Variants in PDCD1LG2 observed in about 807,000 individuals in gnomAD.
PDCD1LG2 encodes the protein B7 dendritic cell molecule.
In PDCD1LG2, 32 loss-of-function variants were observed where a neutral mutation model predicts 28.2. The ratio of observed to expected loss-of-function variants is 1.13; its 90% confidence interval spans 0.86 to 1.52. PDCD1LG2 has a LOEUF of 1.52. Among genes scored for constraint, PDCD1LG2 ranks in the 40% most tolerant of loss-of-function variants. PDCD1LG2 has a pLI of 0.00. For synonymous variants in PDCD1LG2, 116 were observed against 120.2 expected (o/e 0.97, Z 0.23); for missense variants, 385 against 323.8 (o/e 1.19, Z -1.45).
intron 2 of PDCD1LG2, among the ~76,000 whole-genome samples, chr9:5,533,486 T>A (rs1254847718): frequency 1.3e-5 from 2 of 152,180 alleles, no homozygotes; most frequent in East Asian, 3.8e-4. Context: ...TGTTATCAAA[T>A]CCTACCCAGA....
At chr9:5,542,971 A>G (rs1333452567) in intron 3 of PDCD1LG2, among the ~76,000 whole-genome samples, 1 of 152,122 alleles carries the variant, frequency 6.6e-6, no homozygotes, top group Admixed American at 6.6e-5. Context: ...AAAATGTGGT[A>G]TATATATTAT....
chr9:5,558,203 G>T (rs562984390), intron 5 of PDCD1LG2, among the ~76,000 whole-genome samples: 2 of 152,266 alleles, frequency 1.3e-5, no homozygotes, highest in South Asian at 4.2e-4. Flanking sequence ...CAACCTCACG[G>T]TTGGGTAAGG....
chr9:5,557,092 T>G (rs1816457191), intron 4 of PDCD1LG2, among the ~76,000 whole-genome samples: 1 of 152,224 alleles, frequency 6.6e-6, no homozygotes, highest in Non-Finnish European at 1.5e-5. Context: ...TCCTTGAAAT[T>G]TAACAACTAA....
rs1264933360 is a variant in PDCD1LG2, at chr9:5,549,511, C to T, written c.538C>T (p.Leu180=). The T allele has an allele frequency of 6.2e-7, 1 of 1,614,200 alleles. No individual in the cohort carries two copies. The highest frequency in any genetic ancestry group is 1.7e-5 in the Admixed American group (1 of 60,020). The change falls in exon 4 of 7, where the codon CTG becomes TTG. Residue 180 remains leucine, a synonymous_variant. Coordinates refer to ENST00000397747, the MANE Select transcript of PDCD1LG2 (RefSeq NM_025239.4). ...PEGLYQVTSV[L]RLKPPPGRNF... is the part of the protein sequence containing the mutation. ...AGGCCTCTACCAGGTCACCAGTGTTCTGCGCCTAAAGCCACCCCCTGGCAG... is the reference window on the plus strand; with the variant it reads ...AGGCCTCTACCAGGTCACCAGTGTTTTGCGCCTAAAGCCACCCCCTGGCAG...
At chr9:5,542,482 A>G (rs745933051) in intron 3 of PDCD1LG2, among the ~76,000 whole-genome samples, 1 of 152,226 alleles carries the variant, frequency 6.6e-6, no homozygotes, top group South Asian at 2.1e-4. Context: ...ATGCAAATAA[A>G]TCAGCAAGAA....
rs1406516885 is a variant in PDCD1LG2 at position 5,541,954 on chromosome 9, A to C, written c.361+6904A>C. On this transcript the variant is annotated intron_variant, in intron 3 of 6. Coordinates refer to ENST00000397747, the MANE Select transcript of PDCD1LG2 (RefSeq NM_025239.4). ...ACCATACTATAACACCATAGTCACC[A>C]AAACAGCATAATACTAGTATAAAAA... Among the ~76,000 whole-genome samples, 6 of 152,342 alleles carry C rather than the reference A, an allele frequency of 3.9e-5. No individual in the cohort carries two copies. In the East Asian group the frequency reaches 1.2e-3, roughly 29 times the overall value.
At chr9:5,547,497 T>A (rs1052757978) in intron 3 of PDCD1LG2, among the ~76,000 whole-genome samples, 3 of 152,242 alleles carry the variant, frequency 2.0e-5, no homozygotes, top group Non-Finnish European at 4.4e-5. Flanking sequence ...TTCTAGTCTC[T>A]TGGAATATCA....
At chr9:5,556,225 G>C (rs1816439025) in intron 4 of PDCD1LG2, among the ~76,000 whole-genome samples, 2 of 152,182 alleles carry the variant, frequency 1.3e-5, no homozygotes. Context: ...TTTGCATAAA[G>C]ACACTGAGGT....
In PDCD1LG2 at chr9:5,570,054, T is replaced by A; in HGVS notation, c.*95T>A. ...TTCGGTGGCCTGCAGAGCTTGCCAT[T>A]TGCACTTTTCAAATGCCTTTGGATG... On this transcript the variant is annotated 3_prime_UTR_variant, in exon 7 of 7. Coordinates refer to ENST00000397747, the MANE Select transcript of PDCD1LG2 (RefSeq NM_025239.4). 6.6e-7 allele frequency: 1 copy of A among 1,509,466 alleles called. No homozygotes were observed. Among genetic ancestry groups the A allele is most frequent in the Admixed American group, 1.7e-5 (1 of 57,224 alleles). The allele number at this position is 1,509,466 out of a possible 1,614,324, so 93.5% of individuals were successfully genotyped here. A position where few individuals can be genotyped will look rare whatever the true frequency, so the allele number is the denominator to read the frequency against.
At chr9:5,511,920 A>T (rs958846477) in intron 1 of PDCD1LG2, among the ~76,000 whole-genome samples, 1 of 152,178 alleles carries the variant, frequency 6.6e-6, no homozygotes, top group East Asian at 1.9e-4. Context: ...CTAGTGCAGT[A>T]CCTGGCAATA....
intron 1 of PDCD1LG2, among the ~76,000 whole-genome samples, chr9:5,518,510 AGAT>A (rs749380576): frequency 1.1e-4 from 17 of 152,266 alleles, no homozygotes; most frequent in East Asian, 9.6e-4. Flanking sequence ...GTGCAGCTTA[AGAT>A]GATACCTTTC....
intron 5 of PDCD1LG2, among the ~76,000 whole-genome samples, chr9:5,558,243 G>T (rs1431675808): frequency 6.6e-6 from 1 of 152,188 alleles, no homozygotes; most frequent in Non-Finnish European, 1.5e-5. Flanking sequence ...GGCCATTTGG[G>T]GATAAGGAAA....
rs371031746 is a variant in PDCD1LG2 at position 5,549,390 on chromosome 9, A to T, written c.417A>T (p.Val139=). The change falls in exon 4 of 7, where the codon GTA becomes GTT. Residue 139 remains valine, a synonymous_variant. Transcript: ENST00000397747. Reference sequence around the variant, plus strand: ...TAAAGGTTCCAGAAACAGATGAGGTAGAGCTCACCTGCCAGGCTACAGGTT... The same window carrying T: ...TAAAGGTTCCAGAAACAGATGAGGTTGAGCTCACCTGCCAGGCTACAGGTT... ...HILKVPETDE[V]ELTCQATGYP... 3.3e-5 allele frequency: 53 copies of T among 1,614,024 alleles called. No homozygotes were observed. Among genetic ancestry groups the T allele is most frequent in the Non-Finnish European group, 4.5e-5 (53 of 1,179,952 alleles).
intron 1 of PDCD1LG2, among the ~76,000 whole-genome samples, chr9:5,517,859 C>T (rs1161360347): frequency 2.0e-5 from 3 of 152,148 alleles, no homozygotes; most frequent in Non-Finnish European, 4.4e-5. Flanking sequence ...TTGTCCTTCA[C>T]CTCAATAAGT....
intron 6 of PDCD1LG2, among the ~76,000 whole-genome samples, chr9:5,564,591 C>T (rs938167201): frequency 6.6e-6 from 1 of 152,150 alleles, no homozygotes; most frequent in African/African-American, 2.4e-5. Context: ...AAAGAGGCAC[C>T]AGCATACCAC....
At chr9:5,563,116 G>A (rs747930567) in intron 5 of PDCD1LG2, 46 bp from the exon 6 acceptor site, 1 of 1,446,560 alleles carries the variant, frequency 6.9e-7, no homozygotes, top group Non-Finnish European at 9.7e-7. Flanking sequence ...AAGCCAAACA[G>A]TTTTCTCATT....
At chr9:5,544,094 A>T (rs1366463934) in intron 3 of PDCD1LG2, among the ~76,000 whole-genome samples, 1 of 152,238 alleles carries the variant, frequency 6.6e-6, no homozygotes, top group Non-Finnish European at 1.5e-5. Flanking sequence ...TTTCATCTTT[A>T]TTTCAGAAAT....
chr9:5,551,028 C>T (rs939777230), intron 4 of PDCD1LG2, among the ~76,000 whole-genome samples: 4 of 152,262 alleles, frequency 2.6e-5, no homozygotes, highest in Middle Eastern at 3.4e-3. Context: ...TTCTCTTTGC[C>T]ACCTCTTAAG....
At chr9:5,565,084 A>G (rs1331386595) in intron 6 of PDCD1LG2, among the ~76,000 whole-genome samples, 2 of 152,230 alleles carry the variant, frequency 1.3e-5, no homozygotes, top group African/African-American at 4.8e-5. Context: ...TGCCCAAGGT[A>G]TATAGCTAAT....
Sources: allele counts gnomAD v4.1 joint callset (sites outside exome capture counted in the v4.1 genomes callset), GRCh38; gene constraint gnomAD v4.1.1; transcripts MANE v1.5; gene names NCBI Gene and HGNC (gene_info 2026-07-23, HGNC 2026-07-21).